Variants in APBB2 observed in about 807,000 individuals in gnomAD.
APBB2 encodes Fe65-like 1.
A neutral mutation model predicts 82.5 loss-of-function variants in APBB2; 38 were observed. The observed-to-expected ratio is 0.46, with a 90% CI of 0.36 to 0.60. The LOEUF (loss-of-function observed/expected upper bound fraction) is 0.60, where lower values mean the gene tolerates loss of function less well. Ranked by LOEUF, APBB2 falls within the 20% of genes least tolerant of loss-of-function variation. The pLI is 0.00. For synonymous variants in APBB2, 341 were observed against 368.2 expected (o/e 0.93, Z 0.85); for missense variants, 772 against 972.3 (o/e 0.79, Z 2.74).
At chr4:40,817,471 C>T (rs191714117) in intron 17 of APBB2, among the ~76,000 whole-genome samples, 45 of 152,034 alleles carry the variant, frequency 3.0e-4, no homozygotes, top group Non-Finnish European at 6.3e-4. Flanking sequence ...CTGTGCAGGT[C>T]CACTTATATG....
At position 41,044,001 on chromosome 4, in the gene APBB2, G is replaced by C. The variant is rs139651508; in HGVS notation, c.-50-10697C>G. Among the ~76,000 whole-genome samples, 7 of 152,256 alleles carry C rather than the reference G, an allele frequency of 4.6e-5. No homozygotes were observed. The East Asian group carries it at 1.2e-3, about 25-fold the overall frequency. The stretch of plus-strand genomic sequence containing the variant: ...ATTGAAATTCAGTCTGTGGTGGTAT[G>C]ATCTTTCATCAGGAAGCACATGGTA... On this transcript the variant is annotated intron_variant, in intron 4 of 17. Transcript: ENST00000508593.
At chr4:41,200,579 A>G (rs960706677) in intron 1 of APBB2, among the ~76,000 whole-genome samples, 8 of 152,222 alleles carry the variant, frequency 5.3e-5, no homozygotes, top group Admixed American at 1.3e-4. Context: ...TATCCTGAGC[A>G]CATTCTCAGG....
At chr4:40,972,427 CA>C (rs11349428) in intron 6 of APBB2, among the ~76,000 whole-genome samples, 83,518 of 126,058 alleles carry the variant, frequency 0.66, 25,000 homozygotes, top group East Asian at 0.78. Context: ...GACTCCATCT[CA>C]AAAAAAAAAA....
chr4:40,899,698 T>C (rs1457967857), intron 10 of APBB2, among the ~76,000 whole-genome samples: 2 of 152,242 alleles, frequency 1.3e-5, no homozygotes, highest in South Asian at 4.1e-4. Context: ...TCAATTTTTG[T>C]TTTCCTGTCT....
intron 12 of APBB2, among the ~76,000 whole-genome samples, chr4:40,845,467 C>T (rs1315488049): frequency 6.6e-6 from 1 of 151,920 alleles, no homozygotes; most frequent in Admixed American, 6.6e-5. Flanking sequence ...GCATGCTCTC[C>T]GTGGCTGTTC....
chr4:40,830,419 GAA>G, intron 13 of APBB2, 42 bp downstream of exon 13: 1 of 1,387,638 alleles, frequency 7.2e-7, no homozygotes, highest in South Asian at 1.2e-5. Flanking sequence ...TATGCAGCAA[GAA>G]AAAAAGAGAG....
chr4:41,019,846 G>T (rs1330478870), intron 5 of APBB2, among the ~76,000 whole-genome samples: 3 of 152,124 alleles, frequency 2.0e-5, no homozygotes, highest in Non-Finnish European at 4.4e-5. Context: ...GCAGCTGGCA[G>T]AGGCAGCAGA....
chr4:41,024,588 T>A (rs1374755850), intron 5 of APBB2, among the ~76,000 whole-genome samples: 1 of 152,252 alleles, frequency 6.6e-6, no homozygotes, highest in South Asian at 2.1e-4. Flanking sequence ...AATAATATTA[T>A]CTAAGAAGCC....
chr4:41,012,194 C>T (rs986326647), intron 6 of APBB2, among the ~76,000 whole-genome samples: 1 of 152,118 alleles, frequency 6.6e-6, no homozygotes, highest in African/African-American at 2.4e-5. Flanking sequence ...ACAACAGAAC[C>T]GGCTATACCA....
intron 12 of APBB2, among the ~76,000 whole-genome samples, chr4:40,841,800 T>C (rs1222673016): frequency 6.6e-6 from 1 of 152,138 alleles, no homozygotes; most frequent in Non-Finnish European, 1.5e-5. Context: ...TGCCTAGGCC[T>C]CCCAAGTAGC....
intron 1 of APBB2, among the ~76,000 whole-genome samples, chr4:41,204,653 T>C (rs905462739): frequency 2.0e-5 from 3 of 152,192 alleles, no homozygotes; most frequent in African/African-American, 4.8e-5. Flanking sequence ...CCTTTCTCTA[T>C]AGACCCAGAG....
chr4:41,151,378 G>C (rs1458822637), intron 1 of APBB2, among the ~76,000 whole-genome samples: 5 of 152,172 alleles, frequency 3.3e-5, no homozygotes, highest in South Asian at 4.1e-4. Flanking sequence ...CACGTGCCTT[G>C]AAATGCAGCT....
chr4:41,086,949 C>CAA (rs1354150483), intron 3 of APBB2, among the ~76,000 whole-genome samples: 1 of 121,878 alleles, frequency 8.2e-6, no homozygotes, highest in African/African-American at 3.1e-5. Context: ...CACACACACA[C>CAA]AAAAAACCTG....
At chr4:41,013,024 G>A (rs112214580) in intron 6 of APBB2, among the ~76,000 whole-genome samples, 7 of 152,214 alleles carry the variant, frequency 4.6e-5, no homozygotes, top group African/African-American at 1.4e-4. Flanking sequence ...CAAGAAATAC[G>A]ATTTTCCCAC....
At chr4:40,946,395 C>T (rs55805581) in intron 6 of APBB2, among the ~76,000 whole-genome samples, 33,382 of 151,764 alleles carry the variant, frequency 0.22, 3,877 homozygotes, top group African/African-American at 0.29. Context: ...TGGGCAAGCA[C>T]CTGCAAAGTC....
At chr4:40,947,761 T>A (rs1788851736) in intron 6 of APBB2, among the ~76,000 whole-genome samples, 2 of 152,242 alleles carry the variant, frequency 1.3e-5, no homozygotes, top group South Asian at 4.1e-4. Flanking sequence ...TTAAGGGATT[T>A]AAGCCTTGTG....
intron 6 of APBB2, among the ~76,000 whole-genome samples, chr4:40,972,818 C>A (rs538922831): frequency 2.0e-5 from 3 of 152,294 alleles, no homozygotes; most frequent in African/African-American, 7.2e-5. Context: ...TCAATGAAGG[C>A]AAAGGATAGA....
chr4:40,839,657 ATTTTTCT>A (rs1173427858), intron 12 of APBB2, among the ~76,000 whole-genome samples: 2 of 150,858 alleles, frequency 1.3e-5, no homozygotes, highest in Admixed American at 6.6e-5. Context: ...TCCATGAGGG[ATTTTTCT>A]TTTTTCTTTT....
At chr4:40,903,361 G>A (rs901956910) in intron 10 of APBB2, among the ~76,000 whole-genome samples, 2 of 152,154 alleles carry the variant, frequency 1.3e-5, no homozygotes, top group African/African-American at 4.8e-5. Flanking sequence ...CAGCTATTCG[G>A]GAGGCTAAGG....
Sources: allele counts gnomAD v4.1 joint callset (sites outside exome capture counted in the v4.1 genomes callset), GRCh38; gene constraint gnomAD v4.1.1; transcripts MANE v1.5; gene names NCBI Gene and HGNC (gene_info 2026-07-23, HGNC 2026-07-21).